Variants in PYGB observed in about 807,000 individuals in gnomAD.
The protein encoded by PYGB is glycogen phosphorylase, brain form.
In PYGB, 82 loss-of-function variants were observed where a neutral mutation model predicts 94.3. The observed-to-expected ratio is 0.87, with a 90% CI of 0.73 to 1.04. PYGB has a LOEUF of 1.04. PYGB is among the 50% of genes least tolerant of loss of function. PYGB has a pLI of 0.00. For synonymous variants in PYGB, 488 were observed against 479.1 expected, an observed-to-expected ratio of 1.02 and a Z score of -0.24; for missense variants, 1,132 against 1,158.2, an observed-to-expected ratio of 0.98 and a Z score of 0.33.
intron 9 of PYGB, among the ~76,000 whole-genome samples, chr20:25,279,977 T>C (rs2088350694): frequency 6.6e-6 from 1 of 152,088 alleles, no homozygotes; most frequent in Admixed American, 6.5e-5. Context: ...GACGGCAGAG[T>C]GTGAAGGTGA....
At chr20:25,295,333 G>A (rs545682903) in intron 18 of PYGB, among the ~76,000 whole-genome samples, 4 of 152,374 alleles carry the variant, frequency 2.6e-5, no homozygotes, top group African/African-American at 7.2e-5. Context: ...TGGAAGACAC[G>A]TTTTAAATGC....
chr20:25,287,622 C>A (rs572401528), intron 14 of PYGB, among the ~76,000 whole-genome samples: 1 of 152,276 alleles, frequency 6.6e-6, no homozygotes, highest in East Asian at 1.9e-4. Context: ...AGTACTCCAG[C>A]CTGGGTGGCA....
chr20:25,290,670 A>G (rs1419571311), intron 16 of PYGB, 48 bp downstream of exon 16: 1 of 1,583,732 alleles, frequency 6.3e-7, no homozygotes, highest in East Asian at 2.3e-5. Context: ...CCTGCCGGGG[A>G]ACGGGCGTTG....
Position 25,292,591 on chromosome 20 carries a change from G to A in PYGB, c.2155G>A (p.Val719Ile), listed in dbSNP as rs201523718. The stretch of plus-strand genomic sequence containing the variant: ...CATCTTCGGCCTGCGGGTGGAGGAT[G>A]TCGAGGCCTTGGACCGGAAAGGGTG... ...LFIFGLRVED[V>I]EALDRKGYNA... The change falls in exon 17 of 20, where the codon GTC (valine) becomes ATC (isoleucine). Residue 719 changes from valine to isoleucine, a missense_variant. By Grantham distance (29) the Val-to-Ile change is conservative (BLOSUM62 3). Coordinates refer to ENST00000216962, the MANE Select transcript of PYGB (RefSeq NM_002862.4). 1 of 1,612,444 alleles carries A rather than the reference G, an allele frequency of 6.2e-7. No individual in the cohort carries two copies. Among genetic ancestry groups the A allele is most frequent in the African/African-American group, 1.3e-5 (1 of 75,064 alleles).
At chr20:25,260,227 G>A (rs151007568) in intron 2 of PYGB, among the ~76,000 whole-genome samples, 15 of 152,296 alleles carry the variant, frequency 9.8e-5, no homozygotes, top group African/African-American at 1.4e-4. Flanking sequence ...TGTCATTTAC[G>A]TCTGTTTACT....
chr20:25,276,750 G>C lies in PYGB; in HGVS notation c.765G>C (p.Leu255=), dbSNP rs776654899. The part of the protein sequence containing the change: ...WSAKAPNDFK[L]QDFNVGDYIE... The stretch of plus-strand genomic sequence containing the variant: ...CCAAGGCTCCCAACGACTTCAAGCT[G>C]CAGGACTGTACGTTCCGTGGTTCTT... The change falls in exon 6 of 20, where the codon CTG becomes CTC. Residue 255 remains leucine (L), a synonymous_variant. Transcript: ENST00000216962. 6.2e-7 allele frequency: 1 copy of C among 1,613,666 alleles called. No individual in the cohort carries two copies. Among genetic ancestry groups the C allele is most frequent in the Non-Finnish European group, 8.5e-7 (1 of 1,179,602 alleles).
chr20:25,283,487 A>AG (rs1292211779), intron 13 of PYGB, among the ~76,000 whole-genome samples: 1 of 152,194 alleles, frequency 6.6e-6, no homozygotes, highest in Non-Finnish European at 1.5e-5. Flanking sequence ...GGCCCCGAGG[A>AG]GGACAGGTCA....
chr20:25,280,291 G>C lies in PYGB; in HGVS notation c.1118G>C (p.Cys373Ser). The change falls in exon 10 of 20, where the codon TGT (cysteine) becomes TCT (serine). Residue 373 changes from cysteine (C) to serine (S), a missense_variant. Cys to Ser is a moderately radical substitution (Grantham distance 112). Transcript: ENST00000216962. ...GCCTGGGAAATCACGAAGAAGACCTGTGCATACACCAACCACACTGTGCTG... is the reference window on the plus strand; with the variant it reads ...GCCTGGGAAATCACGAAGAAGACCTCTGCATACACCAACCACACTGTGCTG... ...DKAWEITKKT[C>S]AYTNHTVLPE... 5.0e-6 allele frequency: 8 copies of C among 1,614,212 alleles called. No individual in the cohort carries two copies. The highest frequency in any genetic ancestry group is 6.8e-6 in the Non-Finnish European group (8 of 1,180,020).
At chr20:25,269,082 G>A in intron 2 of PYGB, 47 bp from the exon 3 acceptor site, 2 of 1,470,758 alleles carry the variant, frequency 1.4e-6, no homozygotes, top group African/African-American at 1.4e-5. Context: ...TCATTCAAGG[G>A]AAAATATTGA....
rs1217366517 is a variant in PYGB, at chr20:25,276,774, T to C, written c.772+17T>C. On this transcript the variant is annotated intron_variant, in intron 6 of 19. Transcript: ENST00000216962. ...TGCAGGACTGTACGTTCCGTGGTTCTTGGCACCCTTGTGTCCATGTGGGTG... is the reference window on the plus strand; with the variant it reads ...TGCAGGACTGTACGTTCCGTGGTTCCTGGCACCCTTGTGTCCATGTGGGTG... 6.2e-7 allele frequency: 1 copy of C among 1,605,994 alleles called. No homozygotes were observed. The highest frequency in any genetic ancestry group is 2.2e-5 in the East Asian group (1 of 44,756).
At chr20:25,263,663 A>G (rs999270450) in intron 2 of PYGB, among the ~76,000 whole-genome samples, 3 of 152,258 alleles carry the variant, frequency 2.0e-5, no homozygotes, top group Non-Finnish European at 2.9e-5. Context: ...CTCTATGCAA[A>G]TAAACTAGAA....
chr20:25,294,321 TGGGAGGGAGGGA>T lies in PYGB; in HGVS notation c.2312+41_2312+52del, dbSNP rs59991127. 2.5e-4 allele frequency: 89 copies of T among 358,074 alleles called. 2 individuals are homozygous for T. The highest frequency in any genetic ancestry group is 6.8e-4 in the African/African-American group (18 of 26,406). 22.2% of individuals were successfully genotyped at this position (358,074 alleles called of 1,614,324 possible). A position where few individuals can be genotyped will look rare whatever the true frequency, so the allele number is the denominator to read the frequency against. ...GGACCGACTTCCCTGGTTGGGTGGC[TGGGAGGGAGGGA>T]GGGAGGGAGGGGTCCTCTTCGTGGG... On this transcript the variant is annotated intron_variant, in intron 18 of 19. Transcript: ENST00000216962.
chr20:25,274,682 G>T lies in PYGB; in HGVS notation c.619G>T (p.Val207Leu), dbSNP rs201689841. Residue 207 changes from valine to leucine, a missense_variant, in exon 5 of 20, where the codon GTG (valine) becomes TTG (leucine). Physicochemically the swap from Val to Leu is conservative, Grantham distance 32 (BLOSUM62 1). Coordinates refer to ENST00000216962, the MANE Select transcript of PYGB (RefSeq NM_002862.4). ...YMLPVHFYGR[V>L]EHTPDGVKWL... ...GCTTCCCGTGCACTTCTACGGACGC[G>T]TGGAGCACACCCCCGACGGCGTGAA... 4.8e-5 allele frequency: 77 copies of T among 1,613,616 alleles called. No homozygotes were observed. The highest frequency in any genetic ancestry group is 5.9e-5 in the Non-Finnish European group (70 of 1,180,020).
chr20:25,281,956 AAAGGACTTT>A, intron 11 of PYGB, 68 bp from the exon 12 acceptor site: 1 of 1,297,148 alleles, frequency 7.7e-7, no homozygotes, highest in South Asian at 1.2e-5. Flanking sequence ...GACCTCCTTA[AAAGGACTTT>A]AAGGTCTGTT....
chr20:25,250,905 T>G (rs1329366220), intron 1 of PYGB: 1 of 152,228 alleles, frequency 6.6e-6, no homozygotes, highest in Non-Finnish European at 1.5e-5. Flanking sequence ...TGTAACCCAC[T>G]TCTATCGCCC....
intron 1 of PYGB, among the ~76,000 whole-genome samples, chr20:25,249,271 T>C (rs1433263843): frequency 6.6e-6 from 1 of 152,252 alleles, no homozygotes; most frequent in Non-Finnish European, 1.5e-5. Flanking sequence ...TAAACATTTG[T>C]AACTTTTTCA....
intron 14 of PYGB, among the ~76,000 whole-genome samples, chr20:25,286,763 G>A (rs1282737475): frequency 1.3e-5 from 2 of 152,120 alleles, no homozygotes; most frequent in African/African-American, 2.4e-5. Flanking sequence ...TGTTCCCCGG[G>A]GGCTCCTTGG....
At position 25,280,941 on chromosome 20, in the gene PYGB, G is replaced by T. The variant is rs1308657126; in HGVS notation, c.1240-8G>T. On this transcript the variant is annotated splice_region_variant and splice_polypyrimidine_tract_variant and intron_variant, in intron 10 of 19. Coordinates refer to ENST00000216962, the MANE Select transcript of PYGB (RefSeq NM_002862.4). Reference sequence around the variant, plus strand: ...GCCCACCCACCTGCCTCTGTGTTTTGGCACCAGCACGTGGCCGCGCTGTTT... The same window carrying T: ...GCCCACCCACCTGCCTCTGTGTTTTTGCACCAGCACGTGGCCGCGCTGTTT... 6.2e-7 allele frequency: 1 copy of T among 1,613,302 alleles called. No homozygotes were observed. Among genetic ancestry groups the T allele is most frequent in the Admixed American group, 1.7e-5 (1 of 59,984 alleles).
chr20:25,280,831 C>G, intron 10 of PYGB, 118 bp from the exon 11 acceptor site: 2 of 1,352,902 alleles, frequency 1.5e-6, no homozygotes, highest in Non-Finnish European at 2.0e-6. Context: ...CCCAGAACTT[C>G]CCTGGAGGCA....
Sources: allele counts gnomAD v4.1 joint callset (sites outside exome capture counted in the v4.1 genomes callset), GRCh38; gene constraint gnomAD v4.1.1; transcripts MANE v1.5; gene names NCBI Gene and HGNC (gene_info 2026-07-23, HGNC 2026-07-21).